MLLT10: variants seen among roughly 807,000 people sequenced by gnomAD.
The protein encoded by MLLT10 is protein AF-10.
Under a neutral mutation model 129.1 loss-of-function variants are expected in MLLT10, and 30 were observed. That is an observed-to-expected ratio of 0.23 (90% CI 0.17 to 0.32). MLLT10 has a LOEUF of 0.32. Ranked by LOEUF, MLLT10 falls within the 10% of genes least tolerant of loss-of-function variation. The pLI is 1.00. For missense variants in MLLT10, 1,119 were observed against 1,268.3 expected (o/e 0.88, Z 1.79); for synonymous variants, 490 against 446.4 (o/e 1.10, Z -1.23).
At chr10:21,641,383 T>C (rs2047986995) in intron 8 of MLLT10, among the ~76,000 whole-genome samples, 1 of 152,136 alleles carries the variant, frequency 6.6e-6, no homozygotes, top group East Asian at 1.9e-4. Flanking sequence ...AAAGGATAAT[T>C]AGAGAAAAAT....
At chr10:21,628,341 T>G in intron 8 of MLLT10, among the ~76,000 whole-genome samples, 1 of 152,138 alleles carries the variant, frequency 6.6e-6, no homozygotes, top group Middle Eastern at 3.2e-3. Flanking sequence ...GGGTCAGGAA[T>G]TTGGATTTAG....
At chr10:21,691,347 T>G (rs1275542363) in intron 13 of MLLT10, among the ~76,000 whole-genome samples, 2 of 152,206 alleles carry the variant, frequency 1.3e-5, no homozygotes, top group Non-Finnish European at 2.9e-5. Flanking sequence ...AGGGTCATTT[T>G]ATTTCAGGAT....
chr10:21,741,426 G>T (rs1421719278), intron 22 of MLLT10, among the ~76,000 whole-genome samples: 1 of 152,186 alleles, frequency 6.6e-6, no homozygotes, highest in Non-Finnish European at 1.5e-5. Flanking sequence ...ACACAGTGCT[G>T]GGAGGTGCTG....
chr10:21,552,056 A>T (rs975418783), intron 3 of MLLT10: 19 of 233,478 alleles, frequency 8.1e-5, no homozygotes, highest in African/African-American at 4.0e-4. Context: ...CCTCTCAGGT[A>T]GCTGGAACTA....
chr10:21,716,555 A>G (rs900034732), intron 14 of MLLT10, among the ~76,000 whole-genome samples: 5 of 151,994 alleles, frequency 3.3e-5, no homozygotes, highest in African/African-American at 4.8e-5. Context: ...TTAGCTGGGT[A>G]TGGTGGTTCA....
intron 10 of MLLT10, 32 bp from the exon 11 acceptor site, chr10:21,673,318 C>CATTTTT: frequency 3.3e-6 from 1 of 307,338 alleles, no homozygotes; most frequent in Non-Finnish European, 5.0e-6. Context: ...CACCCCCCAA[C>CATTTTT]TTTTTTTTTT....
At chr10:21,656,051 G>C (rs1487300045) in intron 9 of MLLT10, among the ~76,000 whole-genome samples, 1 of 152,132 alleles carries the variant, frequency 6.6e-6, no homozygotes, top group East Asian at 1.9e-4. Context: ...TTATCCGATT[G>C]ACCCTGGTAG....
chr10:21,548,521 C>T (rs770647729), intron 3 of MLLT10, among the ~76,000 whole-genome samples: 7 of 152,102 alleles, frequency 4.6e-5, no homozygotes, highest in South Asian at 2.1e-4. Context: ...AGGTGCCCGC[C>T]GCTACGCCCG....
intron 3 of MLLT10, among the ~76,000 whole-genome samples, chr10:21,576,967 A>C (rs1370883024): frequency 6.6e-6 from 1 of 152,166 alleles, no homozygotes; most frequent in East Asian, 1.9e-4. Context: ...ACATCACTAC[A>C]ATCAATTTTA....
intron 7 of MLLT10, among the ~76,000 whole-genome samples, chr10:21,616,495 A>G (rs912844456): frequency 5.9e-5 from 9 of 152,158 alleles, no homozygotes; most frequent in Middle Eastern, 3.4e-3. Flanking sequence ...TAATTATGCA[A>G]TGGTACAAGT....
chr10:21,724,109 C>T (rs1435847894), intron 14 of MLLT10, among the ~76,000 whole-genome samples: 1 of 152,166 alleles, frequency 6.6e-6, no homozygotes. Context: ...TCCCGAGGGA[C>T]AGTTGATTGT....
intron 8 of MLLT10, among the ~76,000 whole-genome samples, chr10:21,629,859 C>T (rs1035282786): frequency 2.6e-5 from 4 of 152,114 alleles, no homozygotes; most frequent in Non-Finnish European, 5.9e-5. Context: ...GCTGCTGGAG[C>T]GCTGATGTGG....
At position 21,743,577 on chromosome 10, in the gene MLLT10, CATGT is replaced by C. The variant is rs1833924398; in HGVS notation, c.*1597_*1600del. The C allele has an allele frequency of 5.7e-6, 1 of 176,252 alleles. No homozygotes were observed. The highest frequency in any genetic ancestry group is 1.2e-5 in the Non-Finnish European group (1 of 81,586). The allele number at this position is 176,252 out of a possible 1,614,324, so 10.9% of individuals were successfully genotyped here. ...TATTTTACCTAGATGTAAAATTCCA[CATGT>C]ATTAAAATGTACAAAATGTTTTGTT... On this transcript the variant is annotated 3_prime_UTR_variant, in exon 23 of 23. Coordinates refer to ENST00000307729, the MANE Select transcript of MLLT10 (RefSeq NM_001195626.3).
intron 8 of MLLT10, among the ~76,000 whole-genome samples, chr10:21,639,307 AGATTACACAGG>A (rs2047757955): frequency 6.6e-6 from 1 of 152,166 alleles, no homozygotes; most frequent in Non-Finnish European, 1.5e-5. Context: ...AGATGGCATC[AGATTACACAGG>A]TTGGGAACTC....
intron 13 of MLLT10, among the ~76,000 whole-genome samples, chr10:21,712,839 T>G (rs2131513035): frequency 6.6e-6 from 1 of 152,382 alleles, no homozygotes; most frequent in Middle Eastern, 3.4e-3. Flanking sequence ...AACGGCTGGT[T>G]TATAGATATT....
At chr10:21,574,188 G>T (rs1457852804) in intron 3 of MLLT10, among the ~76,000 whole-genome samples, 1 of 152,070 alleles carries the variant, frequency 6.6e-6, no homozygotes, top group Admixed American at 6.6e-5. Context: ...TGTTTTATCA[G>T]TTTTGATAAG....
intron 9 of MLLT10, among the ~76,000 whole-genome samples, chr10:21,655,640 AC>A (rs2049501344): frequency 1.3e-5 from 2 of 152,028 alleles, no homozygotes. Flanking sequence ...TAATGATGAG[AC>A]CTAATGGTTG....
chr10:21,565,252 G>T (rs552591501), intron 3 of MLLT10, among the ~76,000 whole-genome samples: 1 of 151,306 alleles, frequency 6.6e-6, no homozygotes, highest in South Asian at 2.1e-4. Context: ...TGCTTTCAAC[G>T]TGCTTATTTG....
At chr10:21,594,560 A>G (rs1248751836) in intron 4 of MLLT10, among the ~76,000 whole-genome samples, 1 of 147,956 alleles carries the variant, frequency 6.8e-6, no homozygotes, top group Non-Finnish European at 1.5e-5. Context: ...TCTCAAAAAA[A>G]AAAAAAAAAA....
Sources: allele counts gnomAD v4.1 joint callset (sites outside exome capture counted in the v4.1 genomes callset), GRCh38; gene constraint gnomAD v4.1.1; transcripts MANE v1.5; gene names NCBI Gene and HGNC (gene_info 2026-07-23, HGNC 2026-07-21).